Variants in MRPL43 observed in about 807,000 individuals in gnomAD.
MRPL43 encodes mitochondrial ribosomal protein L43.
MRPL43 carries 9 observed loss-of-function variants against 12.7 expected under a neutral mutation model. That is an observed-to-expected ratio of 0.71 (90% CI 0.43 to 1.24). MRPL43 has a LOEUF of 1.24. MRPL43 is among the 50% of genes most tolerant of loss of function. MRPL43 has a pLI of 0.00. For synonymous variants in MRPL43, 116 were observed against 96.4 expected (o/e 1.20, Z -1.19); for missense variants, 211 against 229.2 (o/e 0.92, Z 0.51).
downstream of MRPL43, chr10:100,978,690 A>G (rs1356566084): frequency 1.9e-6 from 3 of 1,583,934 alleles, no homozygotes; most frequent in Non-Finnish European, 1.7e-6. Flanking sequence ...CTATTTCTTC[A>G]TTTTTACTCC....
downstream of MRPL43, chr10:100,978,123 G>C: frequency 1.7e-6 from 1 of 600,176 alleles, no homozygotes; most frequent in Non-Finnish European, 3.0e-6. Context: ...ACATTGTTTT[G>C]AGGCCATAAG....
downstream of MRPL43, chr10:100,979,351 G>A (rs1850943915): frequency 1.2e-6 from 2 of 1,613,096 alleles, no homozygotes; most frequent in Non-Finnish European, 1.7e-6. Context: ...GATGAGATAG[G>A]ATCCACTGTG....
downstream of MRPL43, chr10:100,984,767 C>CT (rs1564801421): frequency 6.5e-7 from 1 of 1,536,046 alleles, no homozygotes. Context: ...GTGGTGACCT[C>CT]TTTGTCAAGA....
In MRPL43 at chr10:100,987,456, G is replaced by C. The variant is rs182123729; in HGVS notation, c.-13C>G. 3.0e-5 allele frequency: 48 copies of C among 1,611,332 alleles called. No individual in the cohort carries two copies. The African/African-American group carries it at 3.6e-4, about 12-fold the overall frequency. The stretch of plus-strand genomic sequence containing the variant: ...CGCGCGCCGTCATAGCTACAGCTTG[G>C]AGGCCGCGGAGCCTAAGCAGCGAGG... On this transcript the variant is annotated 5_prime_UTR_variant, in exon 1 of 3. Coordinates refer to ENST00000318364, the MANE Select transcript of MRPL43 (RefSeq NM_032112.3).
downstream of MRPL43, chr10:100,983,557 TCA>T: frequency 6.2e-7 from 1 of 1,613,800 alleles, no homozygotes; most frequent in South Asian, 1.1e-5. Flanking sequence ...TCCTATAGTC[TCA>T]CAGTCCGGCC....
chr10:100,986,185 G>A (rs1226740443), downstream of MRPL43: 1 of 662,226 alleles, frequency 1.5e-6, no homozygotes, highest in Non-Finnish European at 2.0e-6. Flanking sequence ...CCACCTGACA[G>A]TTGTTATATG....
At chr10:100,980,824 C>T (rs773503586), downstream of MRPL43, 1 of 1,567,736 alleles carries the variant, frequency 6.4e-7, no homozygotes, top group Admixed American at 2.0e-5. Context: ...GCTCCCAGCA[C>T]AGCCTCTATG....
chr10:100,984,471 C>T (rs1165781151), downstream of MRPL43: 2 of 1,529,220 alleles, frequency 1.3e-6, no homozygotes, highest in Non-Finnish European at 8.8e-7. Context: ...TCTGCCCAAA[C>T]CCTTTCTCTT....
At chr10:100,981,800 G>A (rs1249978595), downstream of MRPL43, among the ~76,000 whole-genome samples, 4 of 152,182 alleles carry the variant, frequency 2.6e-5, no homozygotes, top group African/African-American at 7.2e-5. Context: ...GCTCACGCCT[G>A]TAATCCCAGC....
chr10:100,987,251 G>C, intron 1 of MRPL43, 55 bp from the exon 2 acceptor site: 2 of 1,612,300 alleles, frequency 1.2e-6, no homozygotes, highest in South Asian at 1.1e-5. Flanking sequence ...CGACCTACCC[G>C]GGGAGTCGTT....
downstream of MRPL43, among the ~76,000 whole-genome samples, chr10:100,982,988 A>G (rs1184466105): frequency 6.6e-6 from 1 of 152,220 alleles, no homozygotes; most frequent in Non-Finnish European, 1.5e-5. Flanking sequence ...AGCACATGGT[A>G]GATATCCGAG....
At chr10:100,983,866 G>C (rs1230873584), downstream of MRPL43, 1 of 1,572,522 alleles carries the variant, frequency 6.4e-7, no homozygotes, top group Non-Finnish European at 8.6e-7. Flanking sequence ...GGCCTGGAGG[G>C]CAGCTGTCTC....
chr10:100,985,457 T>C (rs1272754894), downstream of MRPL43: 1 of 152,746 alleles, frequency 6.5e-6, no homozygotes, highest in Non-Finnish European at 1.5e-5. Context: ...CTCTCCCACC[T>C]CCACCCCACA....
downstream of MRPL43, among the ~76,000 whole-genome samples, chr10:100,981,713 G>C (rs1340374031): frequency 6.6e-6 from 1 of 152,170 alleles, no homozygotes; most frequent in East Asian, 1.9e-4. Flanking sequence ...TGAAGCCCAG[G>C]GAGTGTAAGT....
At chr10:100,978,923 T>G, downstream of MRPL43, 1 of 1,614,216 alleles carries the variant, frequency 6.2e-7, no homozygotes. Flanking sequence ...CAAGGTGTAC[T>G]ACTTCTTCAC....
rs530830418 is a variant in MRPL43, at chr10:100,986,640, T to A, written c.*94A>T. The stretch of plus-strand genomic sequence containing the variant: ...TCTGTCAACTTGCCCATTGATGGGT[T>A]CCATTTGCCTGGGCTTGGAATCCCA... On this transcript the variant is annotated 3_prime_UTR_variant, in exon 3 of 3. Transcript: ENST00000318364. 3.7e-6 allele frequency: 6 copies of A among 1,613,846 alleles called. No individual in the cohort carries two copies. In the Admixed American group the frequency reaches 8.3e-5, roughly 22 times the overall value.
chr10:100,978,746 T>A, downstream of MRPL43: 1 of 1,556,720 alleles, frequency 6.4e-7, no homozygotes. Flanking sequence ...GGTGAGCCTG[T>A]CCATTCCATT....
chr10:100,987,339 G>T lies in MRPL43; in HGVS notation c.105C>A (p.Arg35=). Reference sequence around the variant, plus strand: ...TGGCGCCGCGAGACGAGGCGCCGTCGCGGCTGACGCTGAAGCTCAGACGCT... The same window carrying T: ...TGGCGCCGCGAGACGAGGCGCCGTCTCGGCTGACGCTGAAGCTCAGACGCT... ...QLQRLSFSVS[R]DGASSRGARE... Residue 35 remains arginine (R), a synonymous_variant, in exon 1 of 3, where the codon CGC becomes CGA. Coordinates refer to ENST00000318364, the MANE Select transcript of MRPL43 (RefSeq NM_032112.3). The T allele has an allele frequency of 1.9e-6, 3 of 1,612,422 alleles. No individual in the cohort carries two copies. Among genetic ancestry groups the T allele is most frequent in the Non-Finnish European group, 2.5e-6 (3 of 1,179,832 alleles).
At chr10:100,978,234 C>T, downstream of MRPL43, 4 of 1,302,886 alleles carry the variant, frequency 3.1e-6, no homozygotes, top group South Asian at 2.5e-5. Context: ...ACTGATCTGA[C>T]TTTGAGCCAC....
Sources: allele counts gnomAD v4.1 joint callset (sites outside exome capture counted in the v4.1 genomes callset), GRCh38; gene constraint gnomAD v4.1.1; transcripts MANE v1.5; gene names NCBI Gene and HGNC (gene_info 2026-07-23, HGNC 2026-07-21).